Variants in AKAP7 observed in about 807,000 individuals in gnomAD.
AKAP7 encodes the protein A-kinase anchoring protein 7, also known as A kinase (PRKA) anchor protein 7.
In AKAP7, 39 loss-of-function variants were observed where a neutral mutation model predicts 39.5. That is an observed-to-expected ratio of 0.99 (90% confidence interval 0.76 to 1.29). The LOEUF (loss-of-function observed/expected upper bound fraction) is 1.29, where lower values mean the gene tolerates loss of function less well. Ranked by LOEUF, AKAP7 falls within the 50% of genes most tolerant of loss-of-function variation. AKAP7 has a pLI of 0.00. For missense variants in AKAP7, 414 were observed against 407.7 expected, an observed-to-expected ratio of 1.02 and a Z score of -0.13; for synonymous variants, 140 against 139.1, an observed-to-expected ratio of 1.01 and a Z score of -0.05.
At chr6:131,211,205 G>A (rs756863759) in intron 6 of AKAP7, among the ~76,000 whole-genome samples, 1 of 152,126 alleles carries the variant, frequency 6.6e-6, no homozygotes, top group Non-Finnish European at 1.5e-5. Flanking sequence ...ATATGCCAGT[G>A]TATATAATTT....
intron 5 of AKAP7, among the ~76,000 whole-genome samples, chr6:131,172,858 A>G (rs1418810892): frequency 6.6e-6 from 1 of 152,244 alleles, no homozygotes; most frequent in Admixed American, 6.5e-5. Flanking sequence ...TTTAAGTATT[A>G]CAAATGTTGA....
chr6:131,279,136 C>T (rs567603903), intron 7 of AKAP7, among the ~76,000 whole-genome samples: 65 of 152,212 alleles, frequency 4.3e-4, no homozygotes, highest in Admixed American at 1.6e-3. Context: ...GCACAATTGA[C>T]AAAGCTTGGT....
intron 7 of AKAP7, among the ~76,000 whole-genome samples, chr6:131,248,713 G>T (rs1490309238): frequency 1.3e-5 from 2 of 152,162 alleles, no homozygotes; most frequent in African/African-American, 4.8e-5. Flanking sequence ...AAAATTTGCT[G>T]TAGGTTCTGA....
chr6:131,224,704 C>T (rs964572903), intron 7 of AKAP7, among the ~76,000 whole-genome samples: 1 of 131,050 alleles, frequency 7.6e-6, no homozygotes, highest in African/African-American at 3.1e-5. Flanking sequence ...ATATATGCTA[C>T]GTTTGTAAAG....
chr6:131,208,633 A>T (rs1808348263), intron 6 of AKAP7, among the ~76,000 whole-genome samples: 1 of 152,258 alleles, frequency 6.6e-6, no homozygotes, highest in East Asian at 1.9e-4. Flanking sequence ...GATCCAATGA[A>T]TGTTAGCAAT....
At chr6:131,140,810 A>G (rs1800967528) in intron 1 of AKAP7, among the ~76,000 whole-genome samples, 1 of 152,254 alleles carries the variant, frequency 6.6e-6, no homozygotes, top group African/African-American at 2.4e-5. Context: ...CCAAAGGTAC[A>G]GGATGTGTAT....
chr6:131,191,406 G>A (rs578092693), intron 5 of AKAP7, among the ~76,000 whole-genome samples: 5 of 152,266 alleles, frequency 3.3e-5, no homozygotes, highest in African/African-American at 1.2e-4. Context: ...TAATTACAAC[G>A]ATAATTGTTA....
At chr6:131,168,442 G>A (rs1584996270) in intron 4 of AKAP7, among the ~76,000 whole-genome samples, 1 of 151,558 alleles carries the variant, frequency 6.6e-6, no homozygotes, top group Non-Finnish European at 1.5e-5. Context: ...GAAGGAGACA[G>A]AAAGAGAGAG....
chr6:131,150,683 G>C (rs568460861), intron 2 of AKAP7, among the ~76,000 whole-genome samples: 2 of 152,292 alleles, frequency 1.3e-5, no homozygotes, highest in South Asian at 2.1e-4. Flanking sequence ...TATTTATTGA[G>C]TGTGTTATGT....
chr6:131,133,926 A>AAC (rs1800385625), upstream of AKAP7, among the ~76,000 whole-genome samples: 1 of 152,176 alleles, frequency 6.6e-6, no homozygotes, highest in Non-Finnish European at 1.5e-5. Context: ...TTATGCAGGT[A>AAC]AGACTCATTC....
rs769795610 is a variant in AKAP7 at position 131,282,166 on chromosome 6, G to A, written c.*440G>A. 2.8e-5 allele frequency: 35 copies of A among 1,229,584 alleles called. No homozygotes were observed. Among genetic ancestry groups the A allele is most frequent in the Non-Finnish European group, 3.5e-5 (35 of 986,330 alleles). 76.2% of individuals were successfully genotyped at this position (1,229,584 alleles called of 1,614,324 possible). ...GTTTAAAATAATCACTGTTGGAATTGTCATCTGTACAATTAGTCCATAATG... is the reference window on the plus strand; with the variant it reads ...GTTTAAAATAATCACTGTTGGAATTATCATCTGTACAATTAGTCCATAATG... On this transcript the variant is annotated 3_prime_UTR_variant, in exon 8 of 8. Transcript: ENST00000431975.
intron 6 of AKAP7, among the ~76,000 whole-genome samples, chr6:131,202,240 C>T (rs944166919): frequency 6.7e-6 from 1 of 148,218 alleles, no homozygotes; most frequent in Non-Finnish European, 1.5e-5. Context: ...TACCATTTGA[C>T]CCAGCCATCC....
chr6:131,245,314 G>A lies in AKAP7; in HGVS notation c.850+25506G>A, dbSNP rs1394782990. Among the ~76,000 whole-genome samples the A allele has an allele frequency of 6.0e-5, 9 of 149,156 alleles. No homozygotes were observed. The South Asian group carries it at 1.5e-3, about 25-fold the overall frequency. The stretch of plus-strand genomic sequence containing the variant: ...GGGCTGGAGTGCAGTAGTGCAACTC[G>A]ACTCACTGCAACCGCCACCTCCCAG... On this transcript the variant is annotated intron_variant, in intron 7 of 7. Coordinates refer to ENST00000431975, the MANE Select transcript of AKAP7 (RefSeq NM_016377.4).
intron 7 of AKAP7, among the ~76,000 whole-genome samples, chr6:131,271,361 C>T (rs573829838): frequency 2.0e-5 from 3 of 152,010 alleles, no homozygotes; most frequent in South Asian, 4.1e-4. Context: ...ATTGGCCATA[C>T]GTGTGTGAGT....
chr6:131,225,754 A>G (rs1445880361), intron 7 of AKAP7, among the ~76,000 whole-genome samples: 2 of 152,178 alleles, frequency 1.3e-5, no homozygotes, highest in African/African-American at 2.4e-5. Context: ...AAACTCATAA[A>G]TCCAGTTCTA....
chr6:131,184,406 A>G (rs1805605930), intron 5 of AKAP7: 1 of 661,584 alleles, frequency 1.5e-6, no homozygotes, highest in Admixed American at 1.8e-5. Context: ...AACTTCCTTC[A>G]GGGGGCTCAG....
At position 131,252,893 on chromosome 6, in the gene AKAP7, C is replaced by A. The variant is rs1812549009; in HGVS notation, c.851-28637C>A. On this transcript the variant is annotated intron_variant, in intron 7 of 7. Coordinates refer to ENST00000431975, the MANE Select transcript of AKAP7 (RefSeq NM_016377.4). ...TTGAGCATCTACTAAAAGCAGAGCA[C>A]AAAAATGTGAATACTCACTTCTTCT... is the stretch of plus-strand genomic sequence containing the variant. 10 of 775,610 alleles carry A rather than the reference C, an allele frequency of 1.3e-5. No homozygotes were observed. In the South Asian group the frequency reaches 1.8e-4, roughly 14 times the overall value. The allele number at this position is 775,610 out of a possible 1,614,324, so 48.0% of individuals were successfully genotyped here.
chr6:131,203,763 C>T (rs1562210809), intron 6 of AKAP7, among the ~76,000 whole-genome samples: 1 of 152,110 alleles, frequency 6.6e-6, no homozygotes, highest in Non-Finnish European at 1.5e-5. Flanking sequence ...AAATAAAACT[C>T]TCAATATTAT....
Position 131,269,327 on chromosome 6 carries a change from C to T in AKAP7, c.851-12203C>T, listed in dbSNP as rs111483869. ...ATCCGCCAAGTGCTGGGATTACAGG[C>T]GTGAGCCCCTGTGCCCAGTCTAGAA... On this transcript the variant is annotated intron_variant, in intron 7 of 7. Transcript: ENST00000431975. Among the ~76,000 whole-genome samples the T allele has an allele frequency of 5.5e-3, 839 of 152,292 alleles. 14 individuals carry two copies. Among genetic ancestry groups the T allele is most frequent in the African/African-American group, 0.019 (803 of 41,562 alleles).
Sources: allele counts gnomAD v4.1 joint callset (sites outside exome capture counted in the v4.1 genomes callset), GRCh38; gene constraint gnomAD v4.1.1; transcripts MANE v1.5; gene names NCBI Gene and HGNC (gene_info 2026-07-23, HGNC 2026-07-21).